TAS2R1: variants seen among roughly 807,000 people sequenced by gnomAD.
TAS2R1 encodes the protein taste 2 receptor member 1.
For missense variants in TAS2R1, 370 were observed against 353.4 expected, an observed-to-expected ratio of 1.05 and a Z score of -0.38; for synonymous variants, 141 against 134.2, an observed-to-expected ratio of 1.05 and a Z score of -0.35.
chr5:9,746,815 A>T, the TAS2R1 span, among the ~76,000 whole-genome samples: 3 of 151,540 alleles, frequency 2.0e-5, no homozygotes, highest in South Asian at 2.1e-4. Context: ...TACCTAATGT[A>T]TGTGGGGCTT....
intron 2 of TAS2R1, among the ~76,000 whole-genome samples, chr5:9,644,726 G>A (rs943401903): frequency 1.3e-5 from 2 of 152,134 alleles, no homozygotes; most frequent in African/African-American, 2.4e-5. Flanking sequence ...TGGAGTATCT[G>A]AGCACTGTAA....
the TAS2R1 span, among the ~76,000 whole-genome samples, chr5:9,769,150 C>T: frequency 5.3e-5 from 8 of 152,294 alleles, no homozygotes; most frequent in South Asian, 1.7e-3. Flanking sequence ...TTTTAGCTCT[C>T]ATAAATAAGT....
chr5:9,644,781 G>A (rs570514324), intron 2 of TAS2R1, among the ~76,000 whole-genome samples: 1 of 152,258 alleles, frequency 6.6e-6, no homozygotes, highest in South Asian at 2.1e-4. Context: ...CGATTGTCCT[G>A]TCTGATGCCA....
At chr5:9,893,781 G>A in the TAS2R1 span, among the ~76,000 whole-genome samples, 4 of 151,114 alleles carry the variant, frequency 2.6e-5, no homozygotes, top group Non-Finnish European at 4.4e-5. Flanking sequence ...CTTGTGATCT[G>A]TCTACTGAAT....
intron 2 of TAS2R1, among the ~76,000 whole-genome samples, chr5:9,642,573 T>G (rs1445781974): frequency 1.3e-5 from 2 of 152,206 alleles, no homozygotes; most frequent in Non-Finnish European, 2.9e-5. Flanking sequence ...GAATTTGCAG[T>G]TGATCTTTTA....
intron 1 of TAS2R1, among the ~76,000 whole-genome samples, chr5:9,666,108 AG>A (rs1740627770): frequency 6.6e-6 from 1 of 152,186 alleles, no homozygotes; most frequent in Non-Finnish European, 1.5e-5. Context: ...GCCTATTTCC[AG>A]GCAGATTATT....
chr5:9,892,900 T>C, the TAS2R1 span, among the ~76,000 whole-genome samples: 3 of 152,206 alleles, frequency 2.0e-5, no homozygotes, highest in African/African-American at 7.2e-5. Flanking sequence ...CAAGTATCCC[T>C]GCATTCATTT....
In TAS2R1 at chr5:9,629,780, G is replaced by T; in HGVS notation, c.253C>A (p.Leu85Ile). 1 of 1,613,788 alleles carries T rather than the reference G, an allele frequency of 6.2e-7. No homozygotes were observed. The highest frequency in any genetic ancestry group is 8.5e-7 in the Non-Finnish European group (1 of 1,179,888). ...AGTTCCAATTCATTTATAAATAAGA[G>T]AATTGCACAATTCGCAGAACACATG... ...FIMCSANCAI[L>I]LFINELELWL... Residue 85 changes from leucine to isoleucine, a missense_variant, in exon 1 of 1, where the codon CTC becomes ATC. Transcript: ENST00000382492.
At chr5:9,779,972 C>T in the TAS2R1 span, among the ~76,000 whole-genome samples, 1 of 152,244 alleles carries the variant, frequency 6.6e-6, no homozygotes, top group African/African-American at 2.4e-5. Context: ...TCAACAAACA[C>T]TGCTAGAGAT....
chr5:9,760,640 A>G, the TAS2R1 span, among the ~76,000 whole-genome samples: 1 of 152,278 alleles, frequency 6.6e-6, no homozygotes, highest in South Asian at 2.1e-4. Flanking sequence ...AGGATCTAAC[A>G]CCCAGTCATG....
rs890934752 is a variant in TAS2R1 at position 9,701,273 on chromosome 5, C to G, written c.-242+10899G>C. On this transcript the variant is annotated intron_variant, in intron 1 of 2. Transcript: ENST00000506620. ...ACACACACACACACACACACACACACAGTCTTATAATCATATTCATCTGTT... is the reference window on the plus strand; with the variant it reads ...ACACACACACACACACACACACACAGAGTCTTATAATCATATTCATCTGTT... 5.2e-5 allele frequency among the ~76,000 whole-genome samples: 7 copies of G among 133,792 alleles called. No individual in the cohort carries two copies. In the East Asian group the frequency reaches 1.1e-3, roughly 21 times the overall value. The allele number at this position is 133,792 out of a possible 152,430, so 87.8% of individuals were successfully genotyped here.
the TAS2R1 span, among the ~76,000 whole-genome samples, chr5:9,732,216 G>T: frequency 3.9e-5 from 6 of 152,168 alleles, no homozygotes; most frequent in South Asian, 8.3e-4. Context: ...AAGAGCCAAG[G>T]CCCTGAAGCA....
intron 1 of TAS2R1, among the ~76,000 whole-genome samples, chr5:9,662,930 A>C (rs1246571975): frequency 6.6e-6 from 1 of 151,880 alleles, no homozygotes; most frequent in Non-Finnish European, 1.5e-5. Context: ...TCAAAAAATC[A>C]ATTGTCATTT....
At chr5:9,651,674 G>C (rs1044650347) in intron 2 of TAS2R1, among the ~76,000 whole-genome samples, 1 of 152,092 alleles carries the variant, frequency 6.6e-6, no homozygotes, top group South Asian at 2.1e-4. Context: ...TCATTTGAGT[G>C]AGTGCAGCTC....
chr5:9,653,683 TTC>T (rs1351074461), intron 2 of TAS2R1, among the ~76,000 whole-genome samples: 15 of 152,172 alleles, frequency 9.9e-5, no homozygotes, highest in Admixed American at 9.8e-4. Flanking sequence ...CACTCTTACT[TTC>T]TGTTTGGATT....
chr5:9,806,382 G>T, the TAS2R1 span, among the ~76,000 whole-genome samples: 1 of 151,952 alleles, frequency 6.6e-6, no homozygotes, highest in Non-Finnish European at 1.5e-5. Context: ...ATTCTTCACA[G>T]AACTAGAAAA....
At chr5:9,707,344 G>T (rs1741637365) in intron 1 of TAS2R1, among the ~76,000 whole-genome samples, 1 of 152,144 alleles carries the variant, frequency 6.6e-6, no homozygotes, top group South Asian at 2.1e-4. Context: ...ACAAAGGCAG[G>T]CTACGCCCAT....
chr5:9,698,842 T>C (rs1216482262), intron 1 of TAS2R1, among the ~76,000 whole-genome samples: 1 of 152,206 alleles, frequency 6.6e-6, no homozygotes, highest in Non-Finnish European at 1.5e-5. Context: ...TGTAAATGTG[T>C]TCAGAGAAAA....
At chr5:9,766,376 G>T in the TAS2R1 span, among the ~76,000 whole-genome samples, 1 of 152,226 alleles carries the variant, frequency 6.6e-6, no homozygotes, top group African/African-American at 2.4e-5. Flanking sequence ...AGCTGGCTAA[G>T]GATTGAGACT....
Sources: allele counts gnomAD v4.1 joint callset (sites outside exome capture counted in the v4.1 genomes callset), GRCh38; gene constraint gnomAD v4.1.1; transcripts MANE v1.5; gene names NCBI Gene and HGNC (gene_info 2026-07-23, HGNC 2026-07-21).